CNBD1: variants seen among roughly 807,000 people sequenced by gnomAD.
CNBD1 encodes cyclic nucleotide-binding domain-containing protein 1.
CNBD1 carries 71 observed loss-of-function variants against 54.4 expected under a neutral mutation model. The ratio of observed to expected loss-of-function variants is 1.30; its 90% CI spans 1.08 to 1.59. The LOEUF is 1.59. CNBD1 is among the 40% of genes most tolerant of loss of function. The pLI is 0.00. For synonymous variants in CNBD1, 182 were observed against 170.7 expected, an observed-to-expected ratio of 1.07 and a Z score of -0.51; for missense variants, 659 against 518.0, an observed-to-expected ratio of 1.27 and a Z score of -2.64.
intron 5 of CNBD1, among the ~76,000 whole-genome samples, chr8:87,206,901 CTT>C (rs1300731598): frequency 6.6e-6 from 1 of 152,164 alleles, no homozygotes; most frequent in East Asian, 1.9e-4. Context: ...TTCAAACACA[CTT>C]CAGCCTAATT....
At chr8:86,866,684 C>T (rs942397145) in intron 1 of CNBD1, 101 bp downstream of exon 1, 1 of 805,100 alleles carries the variant, frequency 1.2e-6, no homozygotes, top group Non-Finnish European at 2.1e-6. Flanking sequence ...TTGATAGGGA[C>T]ATTGGGAATC....
At chr8:87,276,440 G>T (rs940200830) in intron 6 of CNBD1, among the ~76,000 whole-genome samples, 4 of 151,810 alleles carry the variant, frequency 2.6e-5, no homozygotes, top group African/African-American at 9.7e-5. Flanking sequence ...GGATGCCATG[G>T]TCTGGTTGCT....
At chr8:87,256,005 ATATATATATATTTTTTTT>A (rs1261776799) in intron 6 of CNBD1, among the ~76,000 whole-genome samples, 31 of 19,520 alleles carry the variant, frequency 1.6e-3, no homozygotes, top group Non-Finnish European at 2.5e-3. Context: ...ATATATATAT[ATATATATATATTTTTTTT>A]TTTTTTTTTT....
At chr8:87,261,180 T>G (rs1808134053) in intron 6 of CNBD1, among the ~76,000 whole-genome samples, 1 of 152,036 alleles carries the variant, frequency 6.6e-6, no homozygotes, top group Non-Finnish European at 1.5e-5. Flanking sequence ...CAAACCCAGT[T>G]TGGATGAGAA....
intron 6 of CNBD1, among the ~76,000 whole-genome samples, chr8:87,248,916 G>A (rs1807859901): frequency 6.6e-6 from 1 of 152,100 alleles, no homozygotes; most frequent in Non-Finnish European, 1.5e-5. Flanking sequence ...GGCCACGTAT[G>A]GACTAAACTA....
At chr8:87,262,125 G>A (rs558132721) in intron 6 of CNBD1, among the ~76,000 whole-genome samples, 2 of 152,256 alleles carry the variant, frequency 1.3e-5, no homozygotes, top group South Asian at 4.1e-4. Context: ...CTGCATTCCA[G>A]CCTGGGTGAC....
At chr8:87,173,664 A>T (rs1009600403) in intron 4 of CNBD1, among the ~76,000 whole-genome samples, 18 of 147,198 alleles carry the variant, frequency 1.2e-4, no homozygotes, top group Admixed American at 3.4e-4. Flanking sequence ...ATTATATGTT[A>T]TTTTTTTTTT....
chr8:86,935,744 T>G (rs1809535590), intron 3 of CNBD1, among the ~76,000 whole-genome samples: 1 of 152,164 alleles, frequency 6.6e-6, no homozygotes, highest in African/African-American at 2.4e-5. Context: ...TTATCCTTTA[T>G]TATATATTTC....
chr8:87,384,604 TA>T (rs1811147675), downstream of CNBD1, among the ~76,000 whole-genome samples: 1 of 152,174 alleles, frequency 6.6e-6, no homozygotes, highest in Non-Finnish European at 1.5e-5. Flanking sequence ...TCTGAAAGAC[TA>T]ACAAACACTT....
At chr8:87,410,492 T>C (rs2130984366) in intron 2 of CNBD1, among the ~76,000 whole-genome samples, 1 of 152,286 alleles carries the variant, frequency 6.6e-6, no homozygotes, top group East Asian at 1.9e-4. Flanking sequence ...TTTGAATGCA[T>C]GAGGTGATGC....
chr8:87,030,324 G>A (rs1809753525), intron 4 of CNBD1, among the ~76,000 whole-genome samples: 3 of 152,124 alleles, frequency 2.0e-5, no homozygotes. Context: ...TAATGGTATT[G>A]CTAAGGGAAT....
At chr8:87,060,692 C>T (rs1448037291) in intron 4 of CNBD1, among the ~76,000 whole-genome samples, 1 of 151,856 alleles carries the variant, frequency 6.6e-6, no homozygotes, top group Non-Finnish European at 1.5e-5. Flanking sequence ...GAGAAAAAGC[C>T]TACATGAATA....
intron 6 of CNBD1, among the ~76,000 whole-genome samples, chr8:87,251,842 ATTC>A (rs1807924412): frequency 6.6e-6 from 1 of 152,128 alleles, no homozygotes; most frequent in South Asian, 2.1e-4. Flanking sequence ...TATATGAATA[ATTC>A]TTCTGTATTT....
intron 4 of CNBD1, among the ~76,000 whole-genome samples, chr8:86,990,728 A>C (rs1010127577): frequency 6.6e-6 from 1 of 152,032 alleles, no homozygotes; most frequent in African/African-American, 2.4e-5. Context: ...TTTTGTGAAG[A>C]ATTTAATATG....
At position 87,182,810 on chromosome 8, in the gene CNBD1, T is replaced by G. The variant is rs1470436859; in HGVS notation, c.432-23183T>G. Among the ~76,000 whole-genome samples the G allele has an allele frequency of 6.6e-6, 1 of 152,242 alleles. No individual in the cohort carries two copies. Among genetic ancestry groups the G allele is most frequent in the African/African-American group, 2.4e-5 (1 of 41,466 alleles). On this transcript the variant is annotated intron_variant, in intron 4 of 10. Coordinates refer to ENST00000518476, the MANE Select transcript of CNBD1 (RefSeq NM_173538.3). The surrounding 1 kb of genome is among the most constrained non-coding windows in gnomAD (Gnocchi z 4.1). ...GGATATTAGAACTTTGTCTGAAGCA[T>G]AGTTTGCAAGTATTTTCTCCCATTT...
At position 87,052,873 on chromosome 8, in the gene CNBD1, G is replaced by C. The variant is rs186144813; in HGVS notation, c.431+113119G>C. 2.0e-3 allele frequency among the ~76,000 whole-genome samples: 298 copies of C among 152,236 alleles called. 1 individual carries two copies. Among genetic ancestry groups the C allele is most frequent in the African/African-American group, 6.6e-3 (275 of 41,534 alleles). On this transcript the variant is annotated intron_variant, in intron 4 of 10. Coordinates refer to ENST00000518476, the MANE Select transcript of CNBD1 (RefSeq NM_173538.3). ...CCCAGGTCTCCCTTTATTTGCCTAA[G>C]TTCTTGTAGTAAAAAGGGAACTTGA... is the stretch of plus-strand genomic sequence containing the variant.
chr8:86,905,899 A>C (rs971657839), intron 3 of CNBD1, among the ~76,000 whole-genome samples: 1 of 152,172 alleles, frequency 6.6e-6, no homozygotes, highest in South Asian at 2.1e-4. Flanking sequence ...TAAGTATCTT[A>C]TAGTGGATAT....
At chr8:86,894,686 C>T (rs1027202921) in intron 2 of CNBD1, among the ~76,000 whole-genome samples, 2 of 152,048 alleles carry the variant, frequency 1.3e-5, no homozygotes, top group South Asian at 4.2e-4. Context: ...CATCTCTTCT[C>T]CCTCCCTTCT....
At chr8:87,380,133 A>G (rs1811044790) in intron 10 of CNBD1, among the ~76,000 whole-genome samples, 1 of 151,998 alleles carries the variant, frequency 6.6e-6, no homozygotes, top group African/African-American at 2.4e-5. Flanking sequence ...AAGAGTATTT[A>G]TATAATTACC....
Sources: gnomAD v4.1 joint callset for allele counts (sites outside exome capture counted in the v4.1 genomes callset) on GRCh38, gnomAD v4.1.1 for gene constraint, Gnocchi (gnomAD v3.1) non-coding constraint, MANE v1.5 for transcripts, NCBI Gene and HGNC (gene_info 2026-07-23, HGNC 2026-07-21) for gene names.